ERG: variants seen among roughly 807,000 people sequenced by gnomAD.
ERG encodes transcriptional regulator ERG.
A neutral mutation model predicts 55.3 loss-of-function variants in ERG; 9 were observed. The observed-to-expected ratio is 0.16, with a 90% confidence interval of 0.10 to 0.28. The LOEUF is 0.28. Among genes scored for constraint, ERG ranks in the 10% least tolerant of loss-of-function variants. ERG has a pLI of 1.00. For missense variants in ERG, 434 were observed against 631.6 expected, an observed-to-expected ratio of 0.69 and a Z score of 3.35; for synonymous variants, 223 against 237.3, an observed-to-expected ratio of 0.94 and a Z score of 0.55.
chr21:38,429,880 TGGG>T (rs1990124446), intron 2 of ERG, among the ~76,000 whole-genome samples: 1 of 152,182 alleles, frequency 6.6e-6, no homozygotes, highest in African/African-American at 2.4e-5. Flanking sequence ...TCATTTCCTC[TGGG>T]TAGATAACCA....
In ERG at chr21:38,381,897, T is replaced by G; in HGVS notation, c.*1506A>C. 1 of 1,063,428 alleles carries G rather than the reference T, an allele frequency of 9.4e-7. No homozygotes were observed. Among genetic ancestry groups the G allele is most frequent in the East Asian group, 5.0e-5 (1 of 19,864 alleles). 65.9% of individuals were successfully genotyped at this position (1,063,428 alleles called of 1,614,324 possible). A position where few individuals can be genotyped will look rare whatever the true frequency, so the allele number is the denominator to read the frequency against. On this transcript the variant is annotated 3_prime_UTR_variant, in exon 10 of 10. Coordinates refer to ENST00000288319, the MANE Select transcript of ERG (RefSeq NM_182918.4). ...GCCATTTGGGTGCCAAACATCCTATTTCCTTGGCTCTCCCTTGCACAAGTT... is the reference window on the plus strand; with the variant it reads ...GCCATTTGGGTGCCAAACATCCTATGTCCTTGGCTCTCCCTTGCACAAGTT...
At chr21:38,499,895 GAAAAGA>G (rs2059408509), upstream of ERG, among the ~76,000 whole-genome samples, 1 of 151,832 alleles carries the variant, frequency 6.6e-6, no homozygotes, top group Non-Finnish European at 1.5e-5. Flanking sequence ...AGAAGGAAAA[GAAAAGA>G]AAGAGAGTAT....
chr21:38,448,486 A>G (rs932737994), intron 1 of ERG, among the ~76,000 whole-genome samples: 1 of 152,184 alleles, frequency 6.6e-6, no homozygotes, highest in African/African-American at 2.4e-5. Context: ...AACCCAAACT[A>G]TGCCCCAAAG....
chr21:38,541,519 G>A (rs1181940752), intron 2 of ERG, among the ~76,000 whole-genome samples: 2 of 152,110 alleles, frequency 1.3e-5, no homozygotes, highest in African/African-American at 4.8e-5. Context: ...AATGACTGAT[G>A]TACTGCTAAA....
intron 1 of ERG, among the ~76,000 whole-genome samples, chr21:38,476,804 CA>C (rs1273391295): frequency 6.6e-6 from 1 of 152,092 alleles, no homozygotes; most frequent in Non-Finnish European, 1.5e-5. Context: ...AAAAGGTGGG[CA>C]ATGGCTCTGT....
chr21:38,640,629 T>A (rs138947791), intron 1 of ERG, among the ~76,000 whole-genome samples: 11 of 152,176 alleles, frequency 7.2e-5, no homozygotes, highest in Non-Finnish European at 1.3e-4. Flanking sequence ...CCATGTAAGA[T>A]GTGCCTTTCA....
intron 1 of ERG, among the ~76,000 whole-genome samples, chr21:38,595,251 G>C (rs2060124157): frequency 6.6e-6 from 1 of 152,194 alleles, no homozygotes. Context: ...GAGACTACAG[G>C]GAGGGAAGGC....
intron 2 of ERG, among the ~76,000 whole-genome samples, chr21:38,556,683 C>T (rs1229741546): frequency 1.3e-5 from 2 of 152,084 alleles, no homozygotes; most frequent in Admixed American, 6.6e-5. Flanking sequence ...CCATTCTTCT[C>T]CCACCCACTG....
At chr21:38,543,672 A>C (rs1180431888) in intron 2 of ERG, among the ~76,000 whole-genome samples, 1 of 151,890 alleles carries the variant, frequency 6.6e-6, no homozygotes, top group Non-Finnish European at 1.5e-5. Flanking sequence ...AAAAGAGTAA[A>C]GTTAATAGCC....
chr21:38,382,663 T>A lies in ERG; in HGVS notation c.*740A>T. On this transcript the variant is annotated 3_prime_UTR_variant, in exon 10 of 10. Coordinates refer to ENST00000288319, the MANE Select transcript of ERG (RefSeq NM_182918.4). ...GCTTGAGAAGTTTCTTTCCCAGCCC[T>A]GGTCTCCTCCTTCTCTGCCTCTTCC... is the stretch of plus-strand genomic sequence containing the variant. 9.4e-7 allele frequency: 1 copy of A among 1,067,084 alleles called. No homozygotes were observed. The highest frequency in any genetic ancestry group is 4.5e-5 in the South Asian group (1 of 21,988). The allele number at this position is 1,067,084 out of a possible 1,614,324, so 66.1% of individuals were successfully genotyped here.
intron 2 of ERG, among the ~76,000 whole-genome samples, chr21:38,523,320 T>C (rs920603261): frequency 6.6e-6 from 1 of 152,346 alleles, no homozygotes; most frequent in East Asian, 1.9e-4. Context: ...AAATAAGCCA[T>C]CTATTTTGTT....
intron 2 of ERG, among the ~76,000 whole-genome samples, chr21:38,508,588 A>C (rs2059487806): frequency 6.6e-6 from 1 of 152,204 alleles, no homozygotes; most frequent in Non-Finnish European, 1.5e-5. Flanking sequence ...GATTAAAATT[A>C]TTTCCAGCCA....
intron 1 of ERG, among the ~76,000 whole-genome samples, chr21:38,582,118 C>T (rs1267900757): frequency 6.6e-6 from 1 of 151,344 alleles, no homozygotes; most frequent in African/African-American, 2.4e-5. Context: ...CTGTGCACCT[C>T]TTCATCTGGT....
At chr21:38,598,449 T>C (rs1247249620) in intron 1 of ERG, among the ~76,000 whole-genome samples, 2 of 152,132 alleles carry the variant, frequency 1.3e-5, no homozygotes, top group Non-Finnish European at 2.9e-5. Context: ...TTTCCTAACC[T>C]GGAAAACAGG....
intron 1 of ERG, chr21:38,660,550 G>GGCGTGTCCCGCACGTGTGTGTCCGC (rs1472434831): frequency 6.6e-6 from 1 of 152,254 alleles, no homozygotes; most frequent in African/African-American, 2.4e-5. Context: ...GTCGGGGGAG[G>GGCGTGTCCCGCACGTGTGTGTCCGC]GCGTGTCCCG....
At position 38,522,322 on chromosome 21, in the gene ERG, G is replaced by T. The variant is rs987370115; in HGVS notation, c.-41+53340C>A. Among the ~76,000 whole-genome samples the T allele has an allele frequency of 2.6e-5, 4 of 152,038 alleles. No individual in the cohort carries two copies. In the South Asian group the frequency reaches 8.3e-4, roughly 32 times the overall value. On this transcript the variant is annotated intron_variant, in intron 2 of 8. Coordinates refer to the ERG transcript ENST00000398897. ...TGAAATAATGGTCTTTATAAAATAT[G>T]CATTTTTGTTCCTTTTTCTTATCAT...
rs1306403598 is a variant in ERG at position 38,381,542 on chromosome 21, A to T, written c.*1861T>A. ...AGAGCTCCTGAAAGAGAAACCCCGC[A>T]GCAAATCTAGACGTTATCCCTTGTT... On this transcript the variant is annotated 3_prime_UTR_variant, in exon 10 of 10. Coordinates refer to ENST00000288319, the MANE Select transcript of ERG (RefSeq NM_182918.4). 9 of 1,063,962 alleles carry T rather than the reference A, an allele frequency of 8.5e-6. No homozygotes were observed. Among genetic ancestry groups the T allele is most frequent in the Non-Finnish European group, 1.0e-5 (9 of 878,534 alleles). The allele number at this position is 1,063,962 out of a possible 1,614,324, so 65.9% of individuals were successfully genotyped here. A position where few individuals can be genotyped will look rare whatever the true frequency, so the allele number is the denominator to read the frequency against.
In ERG at chr21:38,479,628, C is replaced by T. The variant is rs1452183354; in HGVS notation, c.18+18735G>A. ...ATCTACAGCAGTCTCCCCTTATCCA[C>T]GGGGGACACACTACAAGACCCCCAG... On this transcript the variant is annotated intron_variant, in intron 1 of 9. Coordinates refer to ENST00000288319, the MANE Select transcript of ERG (RefSeq NM_182918.4). Among the ~76,000 whole-genome samples, 7 of 152,278 alleles carry T rather than the reference C, an allele frequency of 4.6e-5. 1 individual carries two copies. The highest frequency in any genetic ancestry group is 3.9e-4 in the East Asian group (2 of 5,168).
intron 1 of ERG, among the ~76,000 whole-genome samples, chr21:38,595,152 C>T (rs17194186): frequency 0.16 from 24,559 of 151,914 alleles, 2,117 homozygotes; most frequent in East Asian, 0.29. Context: ...CTAGGAAGTC[C>T]GAACCTTGTT....
Sources: gnomAD v4.1 joint callset for allele counts (sites outside exome capture counted in the v4.1 genomes callset) on GRCh38, gnomAD v4.1.1 for gene constraint, MANE v1.5 for transcripts, NCBI Gene and HGNC (gene_info 2026-07-23, HGNC 2026-07-21) for gene names.